Variants in NQO2 observed in about 807,000 individuals in gnomAD.
The protein encoded by NQO2 is N-ribosyldihydronicotinamide:quinone dehydrogenase 2.
NQO2 carries 18 observed loss-of-function variants against 22.0 expected under a neutral mutation model. That is an observed-to-expected ratio of 0.82 (90% CI 0.56 to 1.21). The LOEUF (loss-of-function observed/expected upper bound fraction) is 1.21, where lower values mean the gene tolerates loss of function less well. Among genes scored for constraint, NQO2 ranks in the 50% most tolerant of loss-of-function variants. The probability of loss-of-function intolerance (pLI) is 0.00; values close to 1 mark genes in which losing one functional copy is unlikely to be tolerated. For missense variants in NQO2, 267 were observed against 286.9 expected (o/e 0.93, Z 0.50); for synonymous variants, 106 against 110.8 (o/e 0.96, Z 0.28).
At chr6:3,014,358 G>C (rs1757253713) in intron 4 of NQO2, among the ~76,000 whole-genome samples, 1 of 152,166 alleles carries the variant, frequency 6.6e-6, no homozygotes, top group Non-Finnish European at 1.5e-5. Context: ...CTCAGGCCTA[G>C]GTGACCATGT....
Position 3,005,777 on chromosome 6 carries a change from C to T in NQO2, c.-85-691C>T, listed in dbSNP as rs1379076381. ...GCCCCATTGTGTGCCAGCCACCGCA[C>T]ATAGCAACTGTCTCTCTCTCACTCT... On this transcript the variant is annotated intron_variant, in intron 1 of 6. Coordinates refer to ENST00000380455, the MANE Select transcript of NQO2 (RefSeq NM_000904.6). 6.1e-6 allele frequency: 6 copies of T among 985,272 alleles called. No individual in the cohort carries two copies. In the South Asian group the frequency reaches 2.8e-4, roughly 46 times the overall value. The allele number at this position is 985,272 out of a possible 1,614,324, so 61.0% of individuals were successfully genotyped here.
rs1171332526 is a variant in NQO2 at position 3,010,076 on chromosome 6, G to T, written c.59G>T (p.Gly20Val). ...YAHQEPKSFN[G>V]SLKNVAVDEL... ...CACCAGGAACCCAAGTCTTTCAACG[G>T]ATCCTTGAAGAATGTGGCTGTAGAT... is the stretch of plus-strand genomic sequence containing the variant. Residue 20 changes from glycine (G) to valine (V), a missense_variant, in exon 3 of 7, where the codon GGA becomes GTA. By Grantham distance (109) the Gly-to-Val change is moderately radical (BLOSUM62 -3). Coordinates refer to ENST00000380455, the MANE Select transcript of NQO2 (RefSeq NM_000904.6). 6.2e-7 allele frequency: 1 copy of T among 1,613,934 alleles called. No individual in the cohort carries two copies. The highest frequency in any genetic ancestry group is 1.3e-5 in the African/African-American group (1 of 74,892).
intron 4 of NQO2, among the ~76,000 whole-genome samples, chr6:3,014,452 C>T (rs1757256189): frequency 6.6e-6 from 1 of 152,174 alleles, no homozygotes; most frequent in African/African-American, 2.4e-5. Context: ...CCACGCTGAG[C>T]TCTCTGCTCT....
At chr6:3,011,197 G>A (rs371598884) in intron 3 of NQO2, among the ~76,000 whole-genome samples, 19 of 152,132 alleles carry the variant, frequency 1.2e-4, no homozygotes, top group African/African-American at 4.6e-4. Flanking sequence ...AGGAAATGTG[G>A]TAATCCTCAA....
chr6:3,014,520 CCCACT>C (rs1393878331), intron 4 of NQO2, among the ~76,000 whole-genome samples: 1 of 152,190 alleles, frequency 6.6e-6, no homozygotes, highest in African/African-American at 2.4e-5. Flanking sequence ...CCTCCTCGCA[CCCACT>C]CCACTCCCAT....
intron 6 of NQO2, among the ~76,000 whole-genome samples, chr6:3,018,670 A>G (rs1484408330): frequency 6.6e-6 from 1 of 152,120 alleles, no homozygotes; most frequent in Non-Finnish European, 1.5e-5. Context: ...ACATTTTTAG[A>G]AAAAAAGTGG....
intron 1 of NQO2, chr6:3,004,663 C>G (rs551395938): frequency 1.0e-6 from 1 of 985,088 alleles, no homozygotes; most frequent in Non-Finnish European, 1.2e-6. Flanking sequence ...TGGGGATAAG[C>G]ACCACTTTTG....
At chr6:3,007,371 A>G (rs987002065) in intron 2 of NQO2, among the ~76,000 whole-genome samples, 1 of 152,198 alleles carries the variant, frequency 6.6e-6, no homozygotes, top group African/African-American at 2.4e-5. Flanking sequence ...GCCCCTAAGT[A>G]TAGTTCCTTT....
At chr6:3,010,819 C>G (rs1186244216) in intron 3 of NQO2, among the ~76,000 whole-genome samples, 1 of 152,198 alleles carries the variant, frequency 6.6e-6, no homozygotes, top group East Asian at 1.9e-4. Flanking sequence ...CCTTCCCACA[C>G]TACCATGCTA....
In NQO2 at chr6:3,015,553, G is replaced by A; in HGVS notation, c.327G>A (p.Val109=). 2.5e-6 allele frequency: 4 copies of A among 1,614,110 alleles called. No homozygotes were observed. The highest frequency in any genetic ancestry group is 3.4e-6 in the Non-Finnish European group (4 of 1,180,014). ...IFQFPLYWFS[V]PAILKGWMDR... Reference sequence around the variant, plus strand: ...AGTTCCCGCTGTACTGGTTCAGCGTGCCAGCCATCCTGAAGGGCTGGATGG... The same window carrying A: ...AGTTCCCGCTGTACTGGTTCAGCGTACCAGCCATCCTGAAGGGCTGGATGG... Residue 109 remains valine, a synonymous_variant, in exon 5 of 7, where the codon GTG becomes GTA. Transcript: ENST00000380455.
intron 1 of NQO2, among the ~76,000 whole-genome samples, chr6:3,002,902 C>A (rs1397563894): frequency 6.6e-6 from 1 of 152,104 alleles, no homozygotes; most frequent in Non-Finnish European, 1.5e-5. Flanking sequence ...TACAGGCATG[C>A]ACCACCACAC....
chr6:3,001,547 C>T (rs995610172), intron 1 of NQO2, among the ~76,000 whole-genome samples: 2 of 152,082 alleles, frequency 1.3e-5, no homozygotes, highest in Non-Finnish European at 2.9e-5. Context: ...ATGGAAATAA[C>T]CTAAGGTCCC....
chr6:3,006,423 A>G lies in NQO2; in HGVS notation c.-85-45A>G. 1 of 1,540,186 alleles carries G rather than the reference A, an allele frequency of 6.5e-7. No individual in the cohort carries two copies. Among genetic ancestry groups the G allele is most frequent in the Non-Finnish European group, 8.7e-7 (1 of 1,146,780 alleles). ...GCCTAGATGTGGTACATTCGACCTC[A>G]CCTATGCCTCTCCCCACCCCCTCTG... On this transcript the variant is annotated intron_variant, in intron 1 of 6. Transcript: ENST00000380455. This position sits in a 1 kb window ranked among gnomAD's most constrained non-coding sequence, Gnocchi z 4.0.
chr6:3,009,964 T>A, intron 2 of NQO2, 61 bp from the exon 3 acceptor site: 1 of 1,538,024 alleles, frequency 6.5e-7, no homozygotes, highest in South Asian at 1.3e-5. Context: ...ATCTTAGTCT[T>A]CATTGAATTT....
At chr6:3,005,774 G>T (rs1400834733) in intron 1 of NQO2, 7 of 985,198 alleles carry the variant, frequency 7.1e-6, no homozygotes, top group Non-Finnish European at 8.4e-6. Context: ...GCCAGCCACC[G>T]CACATAGCAA....
chr6:3,005,331 C>T (rs759034660), intron 1 of NQO2, among the ~76,000 whole-genome samples: 3 of 152,172 alleles, frequency 2.0e-5, no homozygotes, highest in Non-Finnish European at 4.4e-5. Context: ...CACAGCACCT[C>T]TCCAGCAGCG....
At chr6:3,005,990 G>A (rs1415985903) in intron 1 of NQO2, among the ~76,000 whole-genome samples, 1 of 152,194 alleles carries the variant, frequency 6.6e-6, no homozygotes, top group Non-Finnish European at 1.5e-5. Context: ...TCTGGTTAGA[G>A]CCTGGGTCTA....
At chr6:3,017,057 T>TAC (rs200479287) in intron 6 of NQO2, 72 bp downstream of exon 6, 59 of 1,519,212 alleles carry the variant, frequency 3.9e-5, no homozygotes, top group Non-Finnish European at 4.7e-5. Flanking sequence ...CACACATGCA[T>TAC]ACACACACAC....
At chr6:3,003,192 C>T (rs1474499966) in intron 1 of NQO2, among the ~76,000 whole-genome samples, 1 of 152,168 alleles carries the variant, frequency 6.6e-6, no homozygotes, top group Non-Finnish European at 1.5e-5. Context: ...TAAGATAATC[C>T]CTTTCCAGAC....
Sources: gnomAD v4.1 joint callset for allele counts (sites outside exome capture counted in the v4.1 genomes callset) on GRCh38, gnomAD v4.1.1 for gene constraint, Gnocchi (gnomAD v3.1) non-coding constraint, MANE v1.5 for transcripts, NCBI Gene and HGNC (gene_info 2026-07-23, HGNC 2026-07-21) for gene names.